Variants in CDH2 observed in about 807,000 individuals in gnomAD.
The protein encoded by CDH2 is cadherin 2.
CDH2 carries 17 observed loss-of-function variants against 92.0 expected under a neutral mutation model. That is an observed-to-expected ratio of 0.18 (90% CI 0.13 to 0.28). The LOEUF (loss-of-function observed/expected upper bound fraction) is 0.28. Ranked by LOEUF, CDH2 falls within the 10% of genes least tolerant of loss-of-function variation. The pLI, the probability that CDH2 is intolerant of heterozygous loss-of-function variation, is 1.00. For missense variants in CDH2, 862 were observed against 1,133.1 expected (o/e 0.76, Z 3.44); for synonymous variants, 419 against 415.9 (o/e 1.01, Z -0.09).
intron 2 of CDH2, among the ~76,000 whole-genome samples, chr18:28,143,938 G>A (rs2015994280): frequency 6.6e-6 from 1 of 151,980 alleles, no homozygotes; most frequent in South Asian, 2.1e-4. Flanking sequence ...ATAAATGGGA[G>A]TTGAAATATG....
intron 2 of CDH2, among the ~76,000 whole-genome samples, chr18:28,036,942 G>C (rs2013844539): frequency 6.6e-6 from 1 of 152,088 alleles, no homozygotes; most frequent in African/African-American, 2.4e-5. Context: ...TTTTCAGCTA[G>C]TAACAATCCA....
At chr18:27,950,412 G>A (rs1014471068), downstream of CDH2, among the ~76,000 whole-genome samples, 3 of 152,006 alleles carry the variant, frequency 2.0e-5, no homozygotes, top group Admixed American at 1.3e-4. Context: ...GTTTCCTTTT[G>A]TTGCCCTCTG....
chr18:28,114,088 A>G (rs1263264339), intron 2 of CDH2, among the ~76,000 whole-genome samples: 2 of 152,046 alleles, frequency 1.3e-5, no homozygotes, highest in Non-Finnish European at 2.9e-5. Flanking sequence ...GAGATTTGTT[A>G]AAGGATACAA....
intron 14 of CDH2, among the ~76,000 whole-genome samples, chr18:27,963,865 CTTTAATATTTT>C (rs2011473075): frequency 6.6e-6 from 1 of 152,076 alleles, no homozygotes. Context: ...AACTTCATGT[CTTTAATATTTT>C]TTTAAAACGA....
intron 2 of CDH2, among the ~76,000 whole-genome samples, chr18:28,098,841 C>T (rs2015180474): frequency 6.6e-6 from 1 of 152,082 alleles, no homozygotes; most frequent in Non-Finnish European, 1.5e-5. Flanking sequence ...TGCTACTCTT[C>T]ATGTGTCTGC....
At chr18:28,126,810 G>GT (rs1339402135) in intron 2 of CDH2, among the ~76,000 whole-genome samples, 1 of 152,198 alleles carries the variant, frequency 6.6e-6, no homozygotes. Flanking sequence ...GTGGGGAAAA[G>GT]TGACTTCCTA....
At position 28,008,652 on chromosome 18, in the gene CDH2, A is replaced by G. The variant is rs144264954; in HGVS notation, c.702+1065T>C. ...GGAGAAATACCTAATGTAAATGATG[A>G]GTTGATGGGTGCAGCACACCAACAT... On this transcript the variant is annotated intron_variant, in intron 5 of 15. Coordinates refer to ENST00000269141, the MANE Select transcript of CDH2 (RefSeq NM_001792.5). Among the ~76,000 whole-genome samples, 111 of 152,096 alleles carry G rather than the reference A, an allele frequency of 7.3e-4. 2 individuals carry two copies. In the East Asian group the frequency reaches 0.02, roughly 28 times the overall value.
At chr18:28,018,163 CA>C (rs368206125) in intron 2 of CDH2, among the ~76,000 whole-genome samples, 7,408 of 97,000 alleles carry the variant, frequency 0.076, 198 homozygotes, top group South Asian at 0.14. Flanking sequence ...ACAATAGCTA[CA>C]AAAAAAAAAA....
At chr18:28,014,157 G>A (rs149148948) in intron 2 of CDH2, among the ~76,000 whole-genome samples, 33 of 152,046 alleles carry the variant, frequency 2.2e-4, no homozygotes, top group African/African-American at 7.5e-4. Flanking sequence ...CATACTTCCT[G>A]GACACTGGGT....
chr18:28,171,687 CT>C (rs2016466480), intron 1 of CDH2, among the ~76,000 whole-genome samples: 1 of 152,138 alleles, frequency 6.6e-6, no homozygotes. Flanking sequence ...TGAAAAAAGC[CT>C]TTCCACAACC....
chr18:27,939,438 C>A (rs1209811278), intron 6 of CDH2, among the ~76,000 whole-genome samples: 2 of 152,174 alleles, frequency 1.3e-5, no homozygotes, highest in Non-Finnish European at 2.9e-5. Context: ...TCCTACGTGA[C>A]CTTTATAGTA....
chr18:27,982,226 T>C (rs918174498), intron 14 of CDH2, among the ~76,000 whole-genome samples: 2 of 152,308 alleles, frequency 1.3e-5, no homozygotes, highest in African/African-American at 4.8e-5. Context: ...TATGATAACA[T>C]TGAAAATGTT....
At chr18:28,151,551 C>T (rs968985391) in intron 1 of CDH2, among the ~76,000 whole-genome samples, 4 of 152,130 alleles carry the variant, frequency 2.6e-5, no homozygotes, top group South Asian at 2.1e-4. Context: ...ACACTGCTAT[C>T]GGTATGAGGA....
At chr18:28,007,156 T>TAAAAA (rs753614802) in intron 5 of CDH2, among the ~76,000 whole-genome samples, 12,755 of 105,726 alleles carry the variant, frequency 0.12, 1,076 homozygotes, top group South Asian at 0.22. Flanking sequence ...TGAGACTCCA[T>TAAAAA]AAAAAAAAAA....
chr18:28,143,715 C>A (rs1261690493), intron 2 of CDH2, among the ~76,000 whole-genome samples: 1 of 151,822 alleles, frequency 6.6e-6, no homozygotes, highest in East Asian at 1.9e-4. Flanking sequence ...ATCATCAGAA[C>A]TAAATTAGAA....
At chr18:28,147,811 T>C in intron 1 of CDH2, 27 bp from the exon 2 acceptor site, 2 of 1,085,630 alleles carry the variant, frequency 1.8e-6, no homozygotes, top group Non-Finnish European at 2.7e-6. Context: ...AAAAAAAAAA[T>C]GTGTGCAATG....
intron 6 of CDH2, among the ~76,000 whole-genome samples, chr18:27,944,104 A>T (rs1343729736): frequency 1.3e-5 from 2 of 152,218 alleles, no homozygotes; most frequent in South Asian, 2.1e-4. Context: ...TTCTCATTCA[A>T]TGTTTTGCTG....
intron 1 of CDH2, among the ~76,000 whole-genome samples, chr18:28,164,334 T>C (rs1029348755): frequency 6.6e-6 from 1 of 152,120 alleles, no homozygotes; most frequent in Non-Finnish European, 1.5e-5. Context: ...ATTGGGTATA[T>C]TTGGGGAGGA....
chr18:28,003,543 CCT>C (rs749882961), intron 6 of CDH2, among the ~76,000 whole-genome samples: 3 of 152,054 alleles, frequency 2.0e-5, no homozygotes, highest in Non-Finnish European at 4.4e-5. Context: ...CTGATTCTTC[CCT>C]CTGTCATCTT....
Sources: allele counts gnomAD v4.1 joint callset (sites outside exome capture counted in the v4.1 genomes callset), GRCh38; gene constraint gnomAD v4.1.1; transcripts MANE v1.5; gene names NCBI Gene and HGNC (gene_info 2026-07-23, HGNC 2026-07-21).